Variants in NTM observed in about 807,000 individuals in gnomAD.
The protein encoded by NTM is IgLON family member 2.
In NTM, 13 loss-of-function variants were observed where a neutral mutation model predicts 42.1. The observed-to-expected ratio is 0.31, with a 90% CI of 0.20 to 0.49. The LOEUF (loss-of-function observed/expected upper bound fraction) is 0.49, where lower values mean the gene tolerates loss of function less well. NTM is among the 20% of genes least tolerant of loss of function. The pLI is 0.99. For missense variants in NTM, 373 were observed against 452.8 expected (o/e 0.82, Z 1.60); for synonymous variants, 187 against 179.2 (o/e 1.04, Z -0.35).
chr11:131,711,115 AC>A (rs1401451404), intron 1 of NTM, among the ~76,000 whole-genome samples: 1 of 152,172 alleles, frequency 6.6e-6, no homozygotes, highest in African/African-American at 2.4e-5. Flanking sequence ...GCAATAAAAG[AC>A]AAAATTGACA....
intron 2 of NTM, among the ~76,000 whole-genome samples, chr11:131,947,618 C>T (rs149158037): frequency 6.6e-6 from 1 of 152,246 alleles, no homozygotes; most frequent in Non-Finnish European, 1.5e-5. Context: ...AGACACAGGG[C>T]CCTGGGGTCT....
Position 132,220,123 on chromosome 11 carries a change from G to C in NTM, c.526+7976G>C, listed in dbSNP as rs554425601. ...AAAAATAATTGCATCATAATGGAAA[G>C]TGGCCAGCTTCCTGTTCAGAGTACC... On this transcript the variant is annotated intron_variant, in intron 4 of 8. Coordinates refer to ENST00000683400, the MANE Select transcript of NTM (RefSeq NM_001352005.2). Among the ~76,000 whole-genome samples the C allele has an allele frequency of 2.0e-5, 3 of 152,322 alleles. No homozygotes were observed. In the East Asian group the frequency reaches 5.8e-4, roughly 29 times the overall value.
chr11:131,968,981 C>T (rs2063195669), intron 2 of NTM, among the ~76,000 whole-genome samples: 1 of 152,286 alleles, frequency 6.6e-6, no homozygotes, highest in Middle Eastern at 3.4e-3. Flanking sequence ...CTGAAACTTC[C>T]ATAATCAAGC....
chr11:131,593,773 A>T (rs1425385531), intron 1 of NTM, among the ~76,000 whole-genome samples: 2 of 152,122 alleles, frequency 1.3e-5, no homozygotes, highest in East Asian at 1.9e-4. Flanking sequence ...CCTCACGAGG[A>T]TCATGTTTGT....
At chr11:131,467,188 A>G (rs1288035344) in intron 1 of NTM, among the ~76,000 whole-genome samples, 1 of 152,232 alleles carries the variant, frequency 6.6e-6, no homozygotes, top group Non-Finnish European at 1.5e-5. Context: ...AGAGGAACTA[A>G]AGACAAAAAG....
chr11:131,875,005 G>A (rs1369928285), intron 1 of NTM, among the ~76,000 whole-genome samples: 1 of 152,186 alleles, frequency 6.6e-6, no homozygotes, highest in Non-Finnish European at 1.5e-5. Context: ...GGCCTGATGG[G>A]GCAGCAGCCG....
At chr11:131,851,220 T>A (rs979107485) in intron 1 of NTM, among the ~76,000 whole-genome samples, 1 of 152,090 alleles carries the variant, frequency 6.6e-6, no homozygotes, top group Admixed American at 6.6e-5. Context: ...GGTTCCAGTA[T>A]CCAAAATCTT....
intron 3 of NTM, among the ~76,000 whole-genome samples, chr11:132,191,557 G>A (rs1002944463): frequency 1.3e-5 from 2 of 152,188 alleles, no homozygotes; most frequent in African/African-American, 2.4e-5. Context: ...AAGGATAGAG[G>A]AACATCAGCC....
At chr11:131,661,228 TG>T (rs1174501325) in intron 1 of NTM, 5 of 334,626 alleles carry the variant, frequency 1.5e-5, no homozygotes, top group African/African-American at 1.1e-4. Context: ...CCAGCACTTT[TG>T]CTAGAGGTCT....
chr11:131,672,820 A>G (rs1415946658), intron 1 of NTM, among the ~76,000 whole-genome samples: 1 of 150,008 alleles, frequency 6.7e-6, no homozygotes, highest in African/African-American at 2.5e-5. Context: ...GTTCTCCCTT[A>G]AAACAGAGAA....
intron 1 of NTM, among the ~76,000 whole-genome samples, chr11:131,400,616 C>T (rs1166323086): frequency 1.3e-5 from 2 of 152,084 alleles, no homozygotes; most frequent in African/African-American, 2.4e-5. Flanking sequence ...TGGGCATTGT[C>T]GACATGGAAC....
chr11:132,169,998 T>G (rs2075893991), intron 3 of NTM, among the ~76,000 whole-genome samples: 1 of 152,172 alleles, frequency 6.6e-6, no homozygotes, highest in African/African-American at 2.4e-5. Flanking sequence ...TGAATTTGAT[T>G]CGCTCTTCAC....
intron 4 of NTM, among the ~76,000 whole-genome samples, chr11:132,290,060 T>G (rs2094402212): frequency 6.6e-6 from 1 of 152,186 alleles, no homozygotes; most frequent in African/African-American, 2.4e-5. Flanking sequence ...TGTTCTTTCT[T>G]CAAGTTTTCA....
chr11:131,565,768 C>T (rs2056817969), intron 1 of NTM, among the ~76,000 whole-genome samples: 1 of 152,214 alleles, frequency 6.6e-6, no homozygotes, highest in Non-Finnish European at 1.5e-5. Context: ...CCCGTGACTT[C>T]TGAACACCCT....
At chr11:132,080,802 A>G (rs1451648292) in intron 2 of NTM, among the ~76,000 whole-genome samples, 1 of 152,210 alleles carries the variant, frequency 6.6e-6, no homozygotes, top group East Asian at 1.9e-4. Context: ...TGCTTGTTTC[A>G]TATGATGCTT....
intron 1 of NTM, among the ~76,000 whole-genome samples, chr11:131,679,734 T>C (rs376777954): frequency 8.6e-5 from 13 of 151,994 alleles, no homozygotes; most frequent in African/African-American, 3.1e-4. Context: ...CTTTGAAATG[T>C]AAAATCTTGG....
At chr11:132,017,336 C>A (rs192679667) in intron 2 of NTM, among the ~76,000 whole-genome samples, 58 of 152,018 alleles carry the variant, frequency 3.8e-4, no homozygotes, top group Admixed American at 2.8e-3. Context: ...GGTCTACGCT[C>A]ATTTTATTCA....
intron 1 of NTM, among the ~76,000 whole-genome samples, chr11:131,414,748 AT>A (rs1410036140): frequency 1.3e-5 from 2 of 152,188 alleles, no homozygotes; most frequent in African/African-American, 4.8e-5. Flanking sequence ...CTTTGTCCAA[AT>A]CAGCCTGCCT....
Position 131,624,528 on chromosome 11 carries a change from T to C in NTM, c.82+253640T>C, listed in dbSNP as rs145961014. On this transcript the variant is annotated intron_variant, in intron 1 of 8. Coordinates refer to ENST00000683400, the MANE Select transcript of NTM (RefSeq NM_001352005.2). Reference sequence around the variant, plus strand: ...AGTGGCTCCCACCCAGAGCTCATCCTGCTACAAGTTCTGAGCCATTGGAGA... The same window carrying C: ...AGTGGCTCCCACCCAGAGCTCATCCCGCTACAAGTTCTGAGCCATTGGAGA... Among the ~76,000 whole-genome samples the C allele has an allele frequency of 2.9e-3, 444 of 152,284 alleles. 4 individuals carry two copies. Among genetic ancestry groups the C allele is most frequent in the African/African-American group, 0.01 (430 of 41,566 alleles).
Sources: allele counts gnomAD v4.1 joint callset (sites outside exome capture counted in the v4.1 genomes callset), GRCh38; gene constraint gnomAD v4.1.1; transcripts MANE v1.5; gene names NCBI Gene and HGNC (gene_info 2026-07-23, HGNC 2026-07-21).